Variants in CPXM2 observed in about 807,000 individuals in gnomAD.
CPXM2 encodes carboxypeptidase X, M14 family member 2.
In CPXM2, 66 loss-of-function variants were observed where a neutral mutation model predicts 86.1. That is an observed-to-expected ratio of 0.77 (90% CI 0.63 to 0.94). The LOEUF is 0.94. Among genes scored for constraint, CPXM2 ranks in the 40% least tolerant of loss-of-function variants. CPXM2 has a pLI of 0.00. For synonymous variants in CPXM2, 388 were observed against 400.2 expected (o/e 0.97, Z 0.36); for missense variants, 948 against 1,026.3 (o/e 0.92, Z 1.04).
chr10:123,815,755 GTAAGGT>G (rs1173027182), intron 4 of CPXM2, among the ~76,000 whole-genome samples: 1 of 152,178 alleles, frequency 6.6e-6, no homozygotes, highest in Admixed American at 6.5e-5. Context: ...GCCCCTAGAG[GTAAGGT>G]TAAGAGTGTG....
intron 4 of CPXM2, among the ~76,000 whole-genome samples, chr10:123,824,477 T>C (rs890229309): frequency 6.6e-6 from 1 of 152,150 alleles, no homozygotes; most frequent in Non-Finnish European, 1.5e-5. Flanking sequence ...GAGATCTTCA[T>C]TGAAAATAAA....
At chr10:123,757,498 A>C (rs879743173) in intron 11 of CPXM2, 146 bp from the exon 12 acceptor site, 16 of 682,396 alleles carry the variant, frequency 2.3e-5, no homozygotes, top group Non-Finnish European at 3.3e-5. Flanking sequence ...TATAGACAAA[A>C]ATTTGCATTA....
chr10:123,878,493 A>G (rs917289056), intron 2 of CPXM2, among the ~76,000 whole-genome samples: 1 of 139,662 alleles, frequency 7.2e-6, no homozygotes, highest in Non-Finnish European at 1.5e-5. Flanking sequence ...GCAGAAAAGG[A>G]GGCAAATTCA....
At chr10:123,781,893 G>A (rs574101449) in intron 6 of CPXM2, among the ~76,000 whole-genome samples, 4 of 152,264 alleles carry the variant, frequency 2.6e-5, no homozygotes, top group South Asian at 2.1e-4. Flanking sequence ...TGCCATACCC[G>A]AACTGATCGA....
intron 4 of CPXM2, among the ~76,000 whole-genome samples, chr10:123,823,609 T>TATA (rs1847977407): frequency 6.6e-6 from 1 of 152,060 alleles, no homozygotes. Context: ...AACTTGGCAA[T>TATA]ATAACTGTTT....
At chr10:123,847,925 C>T (rs1294591454) in intron 3 of CPXM2, among the ~76,000 whole-genome samples, 2 of 152,052 alleles carry the variant, frequency 1.3e-5, no homozygotes, top group African/African-American at 2.4e-5. Flanking sequence ...TGCCTCTACA[C>T]AGAAACATCT....
In CPXM2 at chr10:123,768,640, G is replaced by A. The variant is rs752035323; in HGVS notation, c.1185C>T (p.Phe395=). 54 of 1,613,556 alleles carry A rather than the reference G, an allele frequency of 3.3e-5. No homozygotes were observed. The highest frequency in any genetic ancestry group is 4.6e-5 in the Non-Finnish European group (54 of 1,179,900). Residue 395 remains phenylalanine (F), a synonymous_variant, in exon 9 of 14, where the codon TTC becomes TTT. Coordinates refer to ENST00000241305, the MANE Select transcript of CPXM2 (RefSeq NM_198148.3). ...GRELLLLLVQ[F]VCQEYLARNA... ...TCCGGGCCAAGTACTCCTGACACACGAACTGCACCAGCAGCAGCAGCAGCT... is the reference window on the plus strand; with the variant it reads ...TCCGGGCCAAGTACTCCTGACACACAAACTGCACCAGCAGCAGCAGCAGCT...
At chr10:123,831,941 C>CG (rs1848174290) in intron 4 of CPXM2, among the ~76,000 whole-genome samples, 1 of 10,248 alleles carries the variant, frequency 9.8e-5, no homozygotes, top group South Asian at 2.6e-3. Flanking sequence ...GGGTGGAGGC[C>CG]GGGGGTGGGG....
intron 2 of CPXM2, among the ~76,000 whole-genome samples, chr10:123,874,751 G>T (rs7912783): frequency 6.6e-6 from 1 of 152,166 alleles, no homozygotes; most frequent in Non-Finnish European, 1.5e-5. Context: ...ACAGAAGCAC[G>T]TGTGCTCACC....
rs1847079777 is a variant in CPXM2, at chr10:123,787,173, CTG to C, written c.890-6920_890-6919del. On this transcript the variant is annotated intron_variant, in intron 6 of 13. Transcript: ENST00000241305. Reference sequence around the variant, plus strand: ...ACAGCCAGTTCCCCATGCAGCTGGGCTGTGAGCTATGCTGGGGACAAGATGAC... The same window carrying C: ...ACAGCCAGTTCCCCATGCAGCTGGGCTGAGCTATGCTGGGGACAAGATGAC... Among the ~76,000 whole-genome samples the C allele has an allele frequency of 2.0e-5, 3 of 152,252 alleles. No homozygotes were observed. In the Middle Eastern group the frequency reaches 0.01, roughly 518 times the overall value.
intron 6 of CPXM2, among the ~76,000 whole-genome samples, chr10:123,792,156 C>T (rs904726261): frequency 1.3e-5 from 2 of 152,196 alleles, no homozygotes; most frequent in Non-Finnish European, 2.9e-5. Flanking sequence ...AGTATCTTCT[C>T]ACATCCACTC....
intron 2 of CPXM2, among the ~76,000 whole-genome samples, chr10:123,928,658 C>A (rs9330517): frequency 1.3e-5 from 2 of 152,102 alleles, no homozygotes; most frequent in Admixed American, 1.3e-4. Flanking sequence ...AGCAGCCACA[C>A]GGAGATGCTA....
intron 2 of CPXM2, among the ~76,000 whole-genome samples, chr10:123,876,375 T>C (rs1195632429): frequency 2.0e-5 from 3 of 152,104 alleles, no homozygotes. Context: ...ATTCACAGGC[T>C]TTCAGAACCA....
At chr10:123,827,451 C>T (rs1312811061) in intron 4 of CPXM2, among the ~76,000 whole-genome samples, 4 of 152,090 alleles carry the variant, frequency 2.6e-5, no homozygotes, top group Non-Finnish European at 5.9e-5. Flanking sequence ...ATATCATTTA[C>T]AATTGCTCAA....
chr10:123,850,365 TTCAGTTA>T, intron 3 of CPXM2, among the ~76,000 whole-genome samples: 1 of 152,208 alleles, frequency 6.6e-6, no homozygotes, highest in Non-Finnish European at 1.5e-5. Context: ...TTTCCATGGT[TTCAGTTA>T]TCTGAAGTCA....
intron 6 of CPXM2, among the ~76,000 whole-genome samples, chr10:123,789,362 C>T (rs1420868933): frequency 6.6e-6 from 1 of 152,214 alleles, no homozygotes; most frequent in Non-Finnish European, 1.5e-5. Flanking sequence ...CTCACGACTT[C>T]TCCACTGTGG....
chr10:123,753,771 AT>A (rs1409477177), intron 13 of CPXM2, among the ~76,000 whole-genome samples: 1 of 152,194 alleles, frequency 6.6e-6, no homozygotes, highest in East Asian at 1.9e-4. Context: ...GAGAGTTGGA[AT>A]AAGATGTCAG....
Position 123,901,436 on chromosome 10 carries a change from T to C in CPXM2, n.175-21127A>G, listed in dbSNP as rs1331205496. Among the ~76,000 whole-genome samples the C allele has an allele frequency of 2.8e-5, 3 of 106,674 alleles. No individual in the cohort carries two copies. In the East Asian group the frequency reaches 1.1e-3, roughly 40 times the overall value. The allele number at this position is 106,674 out of a possible 152,430, so 70.0% of individuals were successfully genotyped here. On this transcript the variant is annotated intron_variant and non_coding_transcript_variant, in intron 2 of 19. Coordinates refer to the CPXM2 transcript ENST00000368854. ...CCTTCCATCCAAGCAAGTTTGTGTG[T>C]GTGTGTGTGTGTGTGTGTGTGTGTG...
intron 4 of CPXM2, among the ~76,000 whole-genome samples, chr10:123,808,178 A>G (rs1252773405): frequency 6.6e-6 from 1 of 152,248 alleles, no homozygotes; most frequent in Non-Finnish European, 1.5e-5. Context: ...ACATTTTACT[A>G]TATGATGCTA....
Sources: allele counts gnomAD v4.1 joint callset (sites outside exome capture counted in the v4.1 genomes callset), GRCh38; gene constraint gnomAD v4.1.1; transcripts MANE v1.5; gene names NCBI Gene and HGNC (gene_info 2026-07-23, HGNC 2026-07-21).